The following ALS2 variants were observed in gnomAD, a reference collection of about 807,000 sequenced individuals.
ALS2 encodes the protein alsin Rho guanine nucleotide exchange factor ALS2.
Under a neutral mutation model 203.4 loss-of-function variants are expected in ALS2, and 117 were observed. The observed-to-expected ratio is 0.58, with a 90% confidence interval of 0.50 to 0.67. ALS2 has a LOEUF of 0.67. Ranked by LOEUF, ALS2 falls within the 30% of genes least tolerant of loss-of-function variation. The probability of loss-of-function intolerance (pLI) is 0.00; values close to 1 mark genes in which losing one functional copy is unlikely to be tolerated. For missense variants in ALS2, 1,715 were observed against 1,989.4 expected, an observed-to-expected ratio of 0.86 and a Z score of 2.62; for synonymous variants, 718 against 725.9, an observed-to-expected ratio of 0.99 and a Z score of 0.17.
At chr2:201,711,961 G>T (rs1382692234) in intron 25 of ALS2, among the ~76,000 whole-genome samples, 1 of 152,164 alleles carries the variant, frequency 6.6e-6, no homozygotes, top group Non-Finnish European at 1.5e-5. Flanking sequence ...CGCACAAGGG[G>T]CAGTCAATGG....
intron 26 of ALS2, 60 bp downstream of exon 26, chr2:201,710,931 T>C: frequency 2.0e-6 from 2 of 1,007,992 alleles, no homozygotes; most frequent in Admixed American, 3.4e-5. Context: ...ATCTGAATGA[T>C]ATATTGTGGT....
chr2:201,735,329 C>T (rs1443113318), intron 12 of ALS2, among the ~76,000 whole-genome samples: 1 of 152,148 alleles, frequency 6.6e-6, no homozygotes, highest in Non-Finnish European at 1.5e-5. Context: ...CTAAATTGTA[C>T]ACTTATTAGT....
intron 16 of ALS2, 78 bp from the exon 17 acceptor site, chr2:201,727,356 A>C: frequency 1.6e-6 from 2 of 1,214,878 alleles, no homozygotes; most frequent in Non-Finnish European, 2.4e-6. Flanking sequence ...TATGAAAAGC[A>C]ACCTCTTTAT....
At chr2:201,706,797 G>T in intron 29 of ALS2, 49 bp downstream of exon 29, 2 of 1,603,884 alleles carry the variant, frequency 1.2e-6, no homozygotes, top group Non-Finnish European at 1.7e-6. Flanking sequence ...AATGCAGTTT[G>T]CATTTTAAAT....
At chr2:201,762,444 C>T (rs1693820363) in intron 3 of ALS2, among the ~76,000 whole-genome samples, 1 of 152,138 alleles carries the variant, frequency 6.6e-6, no homozygotes, top group Non-Finnish European at 1.5e-5. Flanking sequence ...GGTTGAGTAT[C>T]ACTTATCCAA....
chr2:201,761,730 C>A lies in ALS2; in HGVS notation c.264G>T (p.Leu88=). 3 of 1,614,016 alleles carry A rather than the reference C, an allele frequency of 1.9e-6. No individual in the cohort carries two copies. The highest frequency in any genetic ancestry group is 1.7e-6 in the Non-Finnish European group (2 of 1,180,012). ...CCACAGTAATAACATATTGCCCAAC[C>A]AGGGCATTTTCTAGAATGGGGCTAC... ...CPSSPILENA[L]VGQYVITVAT... Residue 88 remains leucine, a synonymous_variant, in exon 4 of 34, where the codon CTG becomes CTT. Transcript: ENST00000264276.
intron 30 of ALS2, 92 bp downstream of exon 30, chr2:201,705,324 T>C (rs1238559687): frequency 6.7e-7 from 1 of 1,483,014 alleles, no homozygotes; most frequent in Non-Finnish European, 9.4e-7. Flanking sequence ...TTGGGTACTG[T>C]TCTATCAAAG....
At position 201,744,642 on chromosome 2, in the gene ALS2, G is replaced by A. The variant is rs3820967; in HGVS notation, c.1999-213C>T. On this transcript the variant is annotated intron_variant, in intron 9 of 33. Coordinates refer to ENST00000264276, the MANE Select transcript of ALS2 (RefSeq NM_020919.4). ...TAGGGTTTTTTTTGGGGGGGTCGTC[G>A]GGGTCGCTTTTTTTTAGAGCTGGTT... Among the ~76,000 whole-genome samples, 76,870 of 151,798 alleles carry A rather than the reference G, an allele frequency of 0.51. 22,563 individuals carry two copies. Among genetic ancestry groups the A allele is most frequent in the Non-Finnish European group, 0.65 (44,270 of 67,934 alleles).
intron 23 of ALS2, among the ~76,000 whole-genome samples, chr2:201,718,558 GC>G (rs1443813716): frequency 6.6e-6 from 1 of 152,062 alleles, no homozygotes; most frequent in Non-Finnish European, 1.5e-5. Flanking sequence ...ACCACGCCCA[GC>G]CCTCAATTTT....
intron 7 of ALS2, among the ~76,000 whole-genome samples, chr2:201,750,852 CTT>C (rs550778369): frequency 2.5e-4 from 35 of 137,400 alleles, no homozygotes; most frequent in Admixed American, 3.7e-4. Flanking sequence ...TTTCCAATTC[CTT>C]TTTTTTTTTT....
chr2:201,764,633 CAAAA>C (rs1460355230), intron 3 of ALS2, among the ~76,000 whole-genome samples: 78 of 116,988 alleles, frequency 6.7e-4, no homozygotes, highest in Non-Finnish European at 1.3e-3. Flanking sequence ...GACTCCGTCT[CAAAA>C]TAAATAAATA....
At chr2:201,717,193 G>A (rs1001900842) in intron 24 of ALS2, among the ~76,000 whole-genome samples, 1 of 151,950 alleles carries the variant, frequency 6.6e-6, no homozygotes, top group Admixed American at 6.6e-5. Context: ...GGCTGGGCGC[G>A]GTGGCTCACA....
At chr2:201,715,089 T>C (rs1003322986) in intron 25 of ALS2, among the ~76,000 whole-genome samples, 4 of 152,302 alleles carry the variant, frequency 2.6e-5, no homozygotes, top group African/African-American at 4.8e-5. Flanking sequence ...GGGAAGAAGA[T>C]TCCACTCTCT....
intron 3 of ALS2, among the ~76,000 whole-genome samples, chr2:201,765,064 G>A (rs1694007461): frequency 1.3e-5 from 2 of 151,692 alleles, no homozygotes; most frequent in Admixed American, 1.3e-4. Flanking sequence ...CATAATCACA[G>A]CTCACTGCAC....
At chr2:201,748,065 C>T (rs1692785784) in intron 8 of ALS2, among the ~76,000 whole-genome samples, 1 of 152,274 alleles carries the variant, frequency 6.6e-6, no homozygotes, top group East Asian at 1.9e-4. Flanking sequence ...CACACACACA[C>T]AAATACACTC....
chr2:201,706,714 T>C, intron 29 of ALS2, 132 bp downstream of exon 29: 2 of 871,318 alleles, frequency 2.3e-6, no homozygotes, highest in Non-Finnish European at 3.6e-6. Flanking sequence ...CACTATTTTG[T>C]TAAAGAAGAC....
chr2:201,720,741 A>G (rs1690737063), intron 23 of ALS2, among the ~76,000 whole-genome samples: 1 of 151,704 alleles, frequency 6.6e-6, no homozygotes, highest in African/African-American at 2.4e-5. Context: ...ACACACAAAC[A>G]CACACACACA....
Position 201,744,357 on chromosome 2 carries a change from AC to A in ALS2, c.2070del (p.Tyr691IlefsTer8). 1 of 1,613,954 alleles carries A rather than the reference AC, an allele frequency of 6.2e-7. No individual in the cohort carries two copies. Among genetic ancestry groups the A allele is most frequent in the Admixed American group, 1.7e-5 (1 of 60,004 alleles). On this transcript the variant is annotated frameshift_variant, in exon 10 of 34. Coordinates refer to ENST00000264276, the MANE Select transcript of ALS2 (RefSeq NM_020919.4). LOFTEE classifies it high-confidence loss of function. ...GCTAACTCGTGGAGACTGGCAATAT[AC>A]CCCATAATGTTTTTATCCACCAAGG... ...YLALVDKNIMGYIASLHELAT... is the reference protein window; with the variant it reads ...YLALVDKNIMXYIASLHELAT...
chr2:201,723,966 A>C (rs1401412499), intron 21 of ALS2, among the ~76,000 whole-genome samples: 1 of 152,044 alleles, frequency 6.6e-6, no homozygotes, highest in Non-Finnish European at 1.5e-5. Flanking sequence ...AAAATACAAA[A>C]AATTAACTGG....
Sources: gnomAD v4.1 joint callset for allele counts (sites outside exome capture counted in the v4.1 genomes callset) on GRCh38, gnomAD v4.1.1 for gene constraint, MANE v1.5 for transcripts, NCBI Gene and HGNC (gene_info 2026-07-23, HGNC 2026-07-21) for gene names.